Variants in PIK3C2G observed in about 807,000 individuals in gnomAD.
PIK3C2G encodes the protein phosphatidylinositol-4-phosphate 3-kinase catalytic subunit type 2 gamma.
A neutral mutation model predicts 181.1 loss-of-function variants in PIK3C2G; 168 were observed. The observed-to-expected ratio is 0.93, with a 90% CI of 0.82 to 1.05. PIK3C2G has a LOEUF of 1.05. PIK3C2G is among the 50% of genes least tolerant of loss of function. The pLI is 0.00. For missense variants in PIK3C2G, 1,869 were observed against 1,732.8 expected (o/e 1.08, Z -1.40); for synonymous variants, 573 against 592.2 (o/e 0.97, Z 0.47).
chr12:18,393,086 G>A (rs61914527), intron 15 of PIK3C2G, among the ~76,000 whole-genome samples: 12 of 152,034 alleles, frequency 7.9e-5, no homozygotes, highest in Non-Finnish European at 1.8e-4. Context: ...AAGATGCCTT[G>A]AAATTTTAAA....
At chr12:18,413,345 TA>T (rs1445417845) in intron 16 of PIK3C2G, among the ~76,000 whole-genome samples, 2 of 152,130 alleles carry the variant, frequency 1.3e-5, no homozygotes, top group Non-Finnish European at 2.9e-5. Context: ...TTAAGTAACA[TA>T]AAGTGCTTAG....
intron 4 of PIK3C2G, among the ~76,000 whole-genome samples, chr12:18,293,418 T>C (rs997689685): frequency 6.6e-6 from 1 of 152,176 alleles, no homozygotes; most frequent in Admixed American, 6.6e-5. Context: ...TATTAACTAG[T>C]GTAAATGCCC....
chr12:18,340,495 A>G (rs1160646535), intron 9 of PIK3C2G, among the ~76,000 whole-genome samples: 2 of 152,166 alleles, frequency 1.3e-5, no homozygotes, highest in Non-Finnish European at 2.9e-5. Flanking sequence ...ATGATGCTGA[A>G]AAAGGGCTTT....
the PIK3C2G span, chr12:18,693,833 T>C: frequency 2.0e-4 from 301 of 1,529,748 alleles, no homozygotes; most frequent in Non-Finnish European, 2.6e-4. Flanking sequence ...GAAGATTGAG[T>C]TCCCCCTGCC....
rs563070414 is a variant in PIK3C2G at position 18,512,198 on chromosome 12, G to T, written c.3323+6737G>T. On this transcript the variant is annotated intron_variant, in intron 24 of 32. Transcript: ENST00000538779. ...GTATCTATTTTTATGCCAGGACCAT[G>T]CTGTTTTGATTACAATCACTTTATA... is the stretch of plus-strand genomic sequence containing the variant. Among the ~76,000 whole-genome samples the T allele has an allele frequency of 2.6e-5, 4 of 152,108 alleles. No individual in the cohort carries two copies. In the South Asian group the frequency reaches 8.3e-4, roughly 32 times the overall value.
At chr12:18,389,688 T>C (rs115383195) in intron 14 of PIK3C2G, among the ~76,000 whole-genome samples, 1,680 of 152,284 alleles carry the variant, frequency 0.011, 29 homozygotes, top group African/African-American at 0.039. Context: ...AAAATTCCAA[T>C]ATTTTCTATA....
the PIK3C2G span, among the ~76,000 whole-genome samples, chr12:18,680,439 T>G: frequency 6.6e-6 from 1 of 152,080 alleles, no homozygotes; most frequent in South Asian, 2.1e-4. Flanking sequence ...CACACCTCTT[T>G]CAGAGACAGG....
At chr12:18,445,278 C>A (rs1456156074) in intron 18 of PIK3C2G, among the ~76,000 whole-genome samples, 1 of 151,746 alleles carries the variant, frequency 6.6e-6, no homozygotes, top group Non-Finnish European at 1.5e-5. Flanking sequence ...CCCTACAAAC[C>A]CATAAAAGTG....
rs80215162 is a variant in PIK3C2G, at chr12:18,569,143, A to G, written c.4011+2086A>G. Among the ~76,000 whole-genome samples the G allele has an allele frequency of 5.8e-3, 880 of 152,256 alleles. 2 individuals carry two copies. Among genetic ancestry groups the G allele is most frequent in the Middle Eastern group, 0.01 (3 of 294 alleles). ...CTTTATGACTTCCAAGATAGGTTAG[A>G]AAATGCCACGCACCTTCTAACAATT... On this transcript the variant is annotated intron_variant, in intron 29 of 32. Coordinates refer to ENST00000538779, the MANE Select transcript of PIK3C2G (RefSeq NM_001288772.2).
At chr12:18,371,431 A>G (rs1942054416) in intron 13 of PIK3C2G, 120 bp downstream of exon 13, 2 of 810,808 alleles carry the variant, frequency 2.5e-6, no homozygotes, top group South Asian at 5.1e-5. Flanking sequence ...AAATTGACAT[A>G]GTTCAATATA....
intron 5 of PIK3C2G, among the ~76,000 whole-genome samples, chr12:18,295,626 G>T (rs967934561): frequency 2.6e-5 from 4 of 151,880 alleles, no homozygotes; most frequent in Non-Finnish European, 5.9e-5. Context: ...TGTTTTCATA[G>T]TCATTTAATC....
At chr12:18,281,945 C>T (rs935265021) in intron 1 of PIK3C2G, 59 bp from the exon 2 acceptor site, 5 of 624,850 alleles carry the variant, frequency 8.0e-6, no homozygotes, top group Non-Finnish European at 1.1e-5. Context: ...CTATATCTGT[C>T]TTACAAGCTC....
intron 24 of PIK3C2G, among the ~76,000 whole-genome samples, chr12:18,522,316 G>A (rs1486932340): frequency 6.6e-6 from 1 of 152,188 alleles, no homozygotes; most frequent in East Asian, 1.9e-4. Context: ...TCTGAGTATG[G>A]ATATGCATCA....
Position 18,503,408 on chromosome 12 carries a change from T to C in PIK3C2G, c.3144T>C (p.Asp1048=). 1 of 1,603,496 alleles carries C rather than the reference T, an allele frequency of 6.2e-7. No individual in the cohort carries two copies. Among genetic ancestry groups the C allele is most frequent in the Non-Finnish European group, 8.5e-7 (1 of 1,174,274 alleles). The change falls in exon 23 of 33, where the codon GAT becomes GAC. Residue 1048 remains aspartate, a synonymous_variant. Coordinates refer to ENST00000538779, the MANE Select transcript of PIK3C2G (RefSeq NM_001288772.2). ...WFSQHNHLKA[D]YEKALRNFFY... ...GTCAGCACAACCACTTAAAGGCAGA[T>C]TATGAAAAGGTTTGTCCTGTTGCAG...
the PIK3C2G span, among the ~76,000 whole-genome samples, chr12:18,705,997 C>T: frequency 2.3e-4 from 35 of 151,990 alleles, no homozygotes; most frequent in South Asian, 6.2e-4. Context: ...GAGGCCGAGG[C>T]GGGTGGATCA....
At chr12:18,615,456 C>A (rs1188706815) in intron 31 of PIK3C2G, among the ~76,000 whole-genome samples, 5 of 149,342 alleles carry the variant, frequency 3.3e-5, no homozygotes, top group African/African-American at 4.9e-5. Context: ...ATATATATAT[C>A]ATTTTTTTTC....
the PIK3C2G span, chr12:18,695,171 A>G: frequency 8.2e-7 from 1 of 1,226,326 alleles, no homozygotes; most frequent in Non-Finnish European, 1.2e-6. Flanking sequence ...AATGGATTCT[A>G]TGTCCCCAAA....
At position 18,366,620 on chromosome 12, in the gene PIK3C2G, A is replaced by G. The variant is rs564036308; in HGVS notation, c.1748+3734A>G. On this transcript the variant is annotated intron_variant, in intron 12 of 32. Coordinates refer to ENST00000538779, the MANE Select transcript of PIK3C2G (RefSeq NM_001288772.2). The stretch of plus-strand genomic sequence containing the variant: ...AGCTTACTCTGGTCTTAGCAAAACT[A>G]TTTCATATACAATAAAACAATTTTA... Among the ~76,000 whole-genome samples the G allele has an allele frequency of 3.9e-5, 6 of 152,236 alleles. No individual in the cohort carries two copies. The South Asian group carries it at 1.0e-3, about 26-fold the overall frequency.
intron 16 of PIK3C2G, among the ~76,000 whole-genome samples, chr12:18,413,621 T>C (rs966067855): frequency 1.3e-4 from 20 of 152,186 alleles, no homozygotes; most frequent in Non-Finnish European, 5.9e-5. Flanking sequence ...AAGGTCCTAG[T>C]TGACATCAGC....
Sources: gnomAD v4.1 joint callset for allele counts (sites outside exome capture counted in the v4.1 genomes callset) on GRCh38, gnomAD v4.1.1 for gene constraint, MANE v1.5 for transcripts, NCBI Gene and HGNC (gene_info 2026-07-23, HGNC 2026-07-21) for gene names.